CHM: variants seen among roughly 807,000 people sequenced by gnomAD.
CHM encodes rab proteins geranylgeranyltransferase component A 1.
Under a neutral mutation model 49.0 loss-of-function variants are expected in CHM, and 10 were observed. The ratio of observed to expected loss-of-function variants is 0.20; its 90% CI spans 0.13 to 0.35. CHM has a LOEUF of 0.35. CHM is among the 10% of genes least tolerant of loss of function. The pLI is 1.00. For synonymous variants in CHM, 184 were observed against 167.5 expected, an observed-to-expected ratio of 1.10 and a Z score of -0.76; for missense variants, 455 against 478.4, an observed-to-expected ratio of 0.95 and a Z score of 0.46.
intron 14 of CHM, among the ~76,000 whole-genome samples, chrX:85,867,560 G>A (rs1293992852): frequency 8.9e-6 from 1 of 111,982 alleles, no homozygotes; most frequent in Non-Finnish European, 1.9e-5. Context: ...TCAACTATTT[G>A]CTTTTTGATA....
At chrX:85,956,521 T>C in intron 7 of CHM, 143 bp from the exon 8 acceptor site, 1 of 832,152 alleles carries the variant, frequency 1.2e-6, no homozygotes, top group Non-Finnish European at 1.6e-6. Flanking sequence ...ATGGTTGATC[T>C]TAGGAAAAAA....
chrX:85,981,204 T>TTATATATATATATATATATATA lies in CHM; in HGVS notation c.189+532_189+533insTATATATATATATATATATATA, dbSNP rs1193461119. Among the ~76,000 whole-genome samples, 107 of 50,709 alleles carry TTATATATATATATATATATATA rather than the reference T, an allele frequency of 2.1e-3. 4 individuals are homozygous for TTATATATATATATATATATATA. Among genetic ancestry groups the TTATATATATATATATATATATA allele is most frequent in the African/African-American group, 7.1e-3 (103 of 14,512 alleles). The allele number at this position is 50,709 out of a possible 115,157, so 44.0% of individuals were successfully genotyped here. A position where few individuals can be genotyped will look rare whatever the true frequency, so the allele number is the denominator to read the frequency against. On this transcript the variant is annotated intron_variant, in intron 3 of 14. Coordinates refer to ENST00000357749, the MANE Select transcript of CHM (RefSeq NM_000390.4). Reference sequence around the variant, plus strand: ...TTTACTCTTCAACCAACATTTCTATTTCTATATATATATATAGACACACAT... The same window carrying TTATATATATATATATATATATA: ...TTTACTCTTCAACCAACATTTCTATTTATATATATATATATATATATATCTATATATATATATAGACACACAT...
rs1923575584 is a variant in CHM at position 85,864,690 on chromosome X, A to G, written c.1902T>C (p.Ala634=). ...EASESSAIPE[A]NSETFKESTN... is the part of the protein sequence containing the mutation. Reference sequence around the variant, plus strand: ...TGCTTTCCTTGAAAGTCTCCGAGTTAGCCTCTGGTATGGCACTGGATTCTG... The same window carrying G: ...TGCTTTCCTTGAAAGTCTCCGAGTTGGCCTCTGGTATGGCACTGGATTCTG... Residue 634 remains alanine, a synonymous_variant, in exon 15 of 15, where the codon GCT becomes GCC. Transcript: ENST00000357749. 8 of 1,209,959 alleles carry G rather than the reference A, an allele frequency of 6.6e-6. No homozygotes were observed. The South Asian group carries it at 1.4e-4, about 21-fold the overall frequency.
chrX:85,981,953 T>C, intron 2 of CHM, 144 bp from the exon 3 acceptor site: 1 of 505,061 alleles, frequency 2.0e-6, no homozygotes, highest in South Asian at 3.3e-5. Flanking sequence ...GTACACATAA[T>C]TGGAAGGCTC....
intron 1 of CHM, among the ~76,000 whole-genome samples, chrX:86,045,074 G>A (rs1467956793): frequency 8.9e-6 from 1 of 112,165 alleles, no homozygotes; most frequent in Non-Finnish European, 1.9e-5. Flanking sequence ...TATACTTGAT[G>A]AAGCAATTGT....
chrX:86,015,771 A>C (rs746278922), intron 2 of CHM, among the ~76,000 whole-genome samples: 5 of 112,429 alleles, frequency 4.4e-5, no homozygotes, highest in African/African-American at 1.6e-4. Flanking sequence ...GATCTGTGGA[A>C]CTTTGAACTT....
At position 85,963,770 on chromosome X, in the gene CHM, A is replaced by G. The variant is rs757049020; in HGVS notation, c.597T>C (p.Asn199=). 2.5e-6 allele frequency: 3 copies of G among 1,211,348 alleles called. No individual in the cohort carries two copies. Among genetic ancestry groups the G allele is most frequent in the Non-Finnish European group, 3.4e-6 (3 of 895,316 alleles). Residue 199 remains asparagine, a synonymous_variant, in exon 5 of 15, where the codon AAT becomes AAC. Coordinates refer to ENST00000357749, the MANE Select transcript of CHM (RefSeq NM_000390.4). The part of the protein sequence containing the change: ...PSTSAEDMSE[N]VPIAEDTTEQ... ...CTGTGGTATCTTCTGCTATAGGCAC[A>G]TTTTCACTCATGTCTTCTGCTGAAG...
chrX:85,884,679 A>G (rs6623535), intron 12 of CHM, among the ~76,000 whole-genome samples: 43 of 111,573 alleles, frequency 3.9e-4, no homozygotes, highest in African/African-American at 1.4e-3. Flanking sequence ...AAATCAAACC[A>G]AATTTAAGGC....
chrX:85,981,827 A>G lies in CHM; in HGVS notation c.117-18T>C, dbSNP rs1931633695. The stretch of plus-strand genomic sequence containing the variant: ...AGCTTCTTCTGTAACAATTAAAAAA[A>G]AAAAAAAAAGTAAAGAAAATGGTAT... On this transcript the variant is annotated intron_variant, in intron 2 of 14. Transcript: ENST00000357749. 1.8e-6 allele frequency: 2 copies of G among 1,115,100 alleles called. No homozygotes were observed. The highest frequency in any genetic ancestry group is 6.4e-5 in the East Asian group (2 of 31,366). 91.9% of individuals were successfully genotyped at this position (1,115,100 alleles called of 1,213,427 possible).
chrX:85,874,291 G>A (rs189339930), intron 13 of CHM, among the ~76,000 whole-genome samples: 47 of 111,474 alleles, frequency 4.2e-4, no homozygotes, highest in Non-Finnish European at 7.0e-4. Context: ...ATAAAATACT[G>A]CTGTTGATAC....
intron 14 of CHM, among the ~76,000 whole-genome samples, chrX:85,871,796 A>T (rs1162771208): frequency 9.0e-6 from 1 of 111,729 alleles, no homozygotes; most frequent in Non-Finnish European, 1.9e-5. Flanking sequence ...CCTTACTTAA[A>T]TTTTTTTGGT....
At chrX:85,898,546 C>T (rs1926053895) in intron 11 of CHM, among the ~76,000 whole-genome samples, 2 of 112,066 alleles carry the variant, frequency 1.8e-5, no homozygotes, top group African/African-American at 3.2e-5. Flanking sequence ...CATCCCTCTT[C>T]AAAGACCAGT....
intron 4 of CHM, among the ~76,000 whole-genome samples, chrX:85,976,875 AACACACACACACAC>A (rs201555478): frequency 0.012 from 948 of 76,289 alleles, 10 homozygotes; most frequent in East Asian, 0.06. Flanking sequence ...AACACACACA[AACACACACACACAC>A]ACACACACAC....
chrX:85,950,996 C>G (rs1267498916), intron 8 of CHM, among the ~76,000 whole-genome samples: 1 of 111,555 alleles, frequency 9.0e-6, no homozygotes, highest in Non-Finnish European at 1.9e-5. Context: ...AAAGTATTAA[C>G]AAAAATTGTC....
intron 8 of CHM, among the ~76,000 whole-genome samples, chrX:85,913,332 A>AAAAG (rs541125872): frequency 0.091 from 2,133 of 23,312 alleles, 198 homozygotes; most frequent in East Asian, 0.14. Context: ...AAAAAAAAAA[A>AAAAG]AAAGAAAGAA....
At chrX:85,915,019 C>T (rs1344031027) in intron 8 of CHM, among the ~76,000 whole-genome samples, 3 of 109,002 alleles carry the variant, frequency 2.8e-5, no homozygotes, top group Non-Finnish European at 5.7e-5. Context: ...AACAAACCTT[C>T]AAAAAAATAA....
intron 2 of CHM, among the ~76,000 whole-genome samples, chrX:85,997,936 C>T (rs924349588): frequency 2.7e-5 from 3 of 109,196 alleles, no homozygotes; most frequent in African/African-American, 6.7e-5. Context: ...GGCCATAGAG[C>T]GAGACTCCGT....
rs942866986 is a variant in CHM at position 85,918,710 on chromosome X, T to G, written c.1167-7372A>C. 2.7e-5 allele frequency among the ~76,000 whole-genome samples: 3 copies of G among 111,975 alleles called. No homozygotes were observed. The Admixed American group carries it at 2.8e-4, about 11-fold the overall frequency. ...TCAAAGTAAACAGTTGGAAAAAGATTCATCAAGCAAATGGAAATGCTATTC... is the reference window on the plus strand; with the variant it reads ...TCAAAGTAAACAGTTGGAAAAAGATGCATCAAGCAAATGGAAATGCTATTC... On this transcript the variant is annotated intron_variant, in intron 8 of 14. Coordinates refer to ENST00000357749, the MANE Select transcript of CHM (RefSeq NM_000390.4).
chrX:86,019,851 AAGG>A (rs900053821), intron 2 of CHM: 32 of 111,806 alleles, frequency 2.9e-4, no homozygotes, highest in African/African-American at 9.7e-4. Context: ...AAAGATCAAT[AAGG>A]AGGTTATCAG....
Sources: gnomAD v4.1 joint callset for allele counts (sites outside exome capture counted in the v4.1 genomes callset) on GRCh38, gnomAD v4.1.1 for gene constraint, MANE v1.5 for transcripts, NCBI Gene and HGNC (gene_info 2026-07-23, HGNC 2026-07-21) for gene names.